MTTP: variants seen among roughly 807,000 people sequenced by gnomAD.
The protein encoded by MTTP is microsomal triglyceride transfer protein large subunit.
In MTTP, 49 loss-of-function variants were observed where a neutral mutation model predicts 90.6. The observed-to-expected ratio is 0.54, with a 90% CI of 0.43 to 0.69. MTTP has a LOEUF of 0.69. MTTP is among the 30% of genes least tolerant of loss of function. The pLI is 0.00. For synonymous variants in MTTP, 347 were observed against 384.2 expected, an observed-to-expected ratio of 0.90 and a Z score of 1.13; for missense variants, 945 against 1,067.5, an observed-to-expected ratio of 0.89 and a Z score of 1.60.
chr4:99,600,533 ATT>A, intron 8 of MTTP, 30 bp from the exon 9 acceptor site: 1 of 1,603,038 alleles, frequency 6.2e-7, no homozygotes. Flanking sequence ...TCCCCTAAAC[ATT>A]GATATCCATG....
rs1725433964 is a variant in MTTP, at chr4:99,591,929, T to C, written c.758+139T>C. 4 of 813,858 alleles carry C rather than the reference T, an allele frequency of 4.9e-6. No individual in the cohort carries two copies. The Admixed American group carries it at 7.2e-5, about 15-fold the overall frequency. 50.4% of individuals were successfully genotyped at this position (813,858 alleles called of 1,614,324 possible). A position where few individuals can be genotyped will look rare whatever the true frequency, so the allele number is the denominator to read the frequency against. Reference sequence around the variant, plus strand: ...ATTGCTTAACAATGGGAATAAGTTCTGAGAAAAGCATTGTTAGGCAATTTC... The same window carrying C: ...ATTGCTTAACAATGGGAATAAGTTCCGAGAAAAGCATTGTTAGGCAATTTC... On this transcript the variant is annotated intron_variant, in intron 6 of 17. Coordinates refer to ENST00000265517, the MANE Select transcript of MTTP (RefSeq NM_001386140.1).
In MTTP at chr4:99,601,663, C is replaced by T; in HGVS notation, c.1293C>T (p.Ile431=). ...ACATCAGAGAAACTGTTATGATCAT[C>T]ACTGGGACACTTGTCAGAAAGTTGT... ...SSDIRETVMI[I]TGTLVRKLCQ... Residue 431 remains isoleucine, a synonymous_variant, in exon 10 of 18, where the codon ATC becomes ATT. Transcript: ENST00000265517. 6.2e-7 allele frequency: 1 copy of T among 1,613,054 alleles called. No homozygotes were observed. The highest frequency in any genetic ancestry group is 1.1e-5 in the South Asian group (1 of 91,064).
At chr4:99,570,425 T>G (rs1442026100), upstream of MTTP, among the ~76,000 whole-genome samples, 2 of 151,996 alleles carry the variant, frequency 1.3e-5, no homozygotes, top group Non-Finnish European at 2.9e-5. Context: ...TCTATCTAGT[T>G]CCTTTAAATA....
intron 7 of MTTP, among the ~76,000 whole-genome samples, chr4:99,596,074 T>C (rs958526102): frequency 1.3e-5 from 2 of 152,180 alleles, no homozygotes; most frequent in African/African-American, 4.8e-5. Flanking sequence ...TGAATTCATA[T>C]TGATATGCTC....
intron 3 of MTTP, 54 bp from the exon 4 acceptor site, chr4:99,589,589 T>C (rs1486735888): frequency 7.9e-6 from 8 of 1,009,256 alleles, no homozygotes; most frequent in African/African-American, 4.8e-5. Flanking sequence ...TATTTAAATC[T>C]GATAAATGAT....
intron 7 of MTTP, among the ~76,000 whole-genome samples, chr4:99,596,668 G>A (rs866739199): frequency 5.3e-5 from 8 of 152,172 alleles, no homozygotes; most frequent in African/African-American, 1.9e-4. Flanking sequence ...TTCTTCAGCA[G>A]TTCTCATTAT....
intron 1 of MTTP, among the ~76,000 whole-genome samples, chr4:99,569,321 C>A (rs1344918858): frequency 1.3e-5 from 2 of 151,874 alleles, no homozygotes; most frequent in Non-Finnish European, 2.9e-5. Context: ...CCAAGAGGAG[C>A]CTAAAGATAC....
In MTTP at chr4:99,611,313, A is replaced by T; in HGVS notation, c.1868-19A>T. 6.2e-7 allele frequency: 1 copy of T among 1,613,968 alleles called. No homozygotes were observed. Among genetic ancestry groups the T allele is most frequent in the Non-Finnish European group, 8.5e-7 (1 of 1,179,946 alleles). On this transcript the variant is annotated intron_variant, in intron 13 of 17. Coordinates refer to ENST00000265517, the MANE Select transcript of MTTP (RefSeq NM_001386140.1). The stretch of plus-strand genomic sequence containing the variant: ...ATTGCTGGAACTGCTATTAAATTAC[A>T]GTTATTGTGTGTCATCAGGTAGTCC...
At chr4:99,585,664 A>G (rs1001306813) in intron 3 of MTTP, among the ~76,000 whole-genome samples, 5 of 152,112 alleles carry the variant, frequency 3.3e-5, no homozygotes, top group Non-Finnish European at 4.4e-5. Flanking sequence ...GTAGCAGCTG[A>G]GTACAAAGTC....
At position 99,583,471 on chromosome 4, in the gene MTTP, T is replaced by C. The variant is rs750389277; in HGVS notation, c.347T>C (p.Leu116Ser). ...TCTAAAATAATGGGAAAGGAAAACT[T>C]GGAAGCTCTGCAAAGACCTACGCTC... The part of the protein sequence containing the change: ...SPSKIMGKEN[L>S]EALQRPTLLH... The change falls in exon 3 of 18, where the codon TTG becomes TCG. Residue 116 changes from leucine (L) to serine (S), a missense_variant. Leu to Ser is a moderately radical substitution (Grantham distance 145). Coordinates refer to ENST00000265517, the MANE Select transcript of MTTP (RefSeq NM_001386140.1). The C allele has an allele frequency of 6.2e-7, 1 of 1,613,662 alleles. No homozygotes were observed. The highest frequency in any genetic ancestry group is 1.1e-5 in the South Asian group (1 of 91,064).
At chr4:99,584,412 G>A (rs900373507) in intron 3 of MTTP, among the ~76,000 whole-genome samples, 1 of 151,976 alleles carries the variant, frequency 6.6e-6, no homozygotes, top group Non-Finnish European at 1.5e-5. Context: ...TACTGATAAA[G>A]TAATACTTTA....
At chr4:99,619,235 T>G (rs1235456047) in intron 16 of MTTP, 137 bp downstream of exon 16, 3 of 860,240 alleles carry the variant, frequency 3.5e-6, no homozygotes, top group Non-Finnish European at 5.6e-6. Flanking sequence ...AACGATAGAG[T>G]TGGAAGTGAT....
intron 5 of MTTP, 55 bp from the exon 6 acceptor site, chr4:99,591,596 T>C (rs1005552509): frequency 1.9e-6 from 3 of 1,568,470 alleles, no homozygotes; most frequent in Non-Finnish European, 2.6e-6. Flanking sequence ...TTTGACTTGA[T>C]TCAATAATTT....
chr4:99,607,164 A>G (rs947391497), intron 11 of MTTP, among the ~76,000 whole-genome samples: 1 of 152,252 alleles, frequency 6.6e-6, no homozygotes, highest in African/African-American at 2.4e-5. Flanking sequence ...ATCCTGAAGC[A>G]TAAATATTGA....
chr4:99,623,595 G>A lies in MTTP; in HGVS notation c.*747G>A, dbSNP rs1219982420. The A allele has an allele frequency of 2.6e-5, 4 of 152,306 alleles. No individual in the cohort carries two copies. The highest frequency in any genetic ancestry group is 5.9e-5 in the Non-Finnish European group (4 of 68,168). 9.4% of individuals were successfully genotyped at this position (152,306 alleles called of 1,614,324 possible). A position where few individuals can be genotyped will look rare whatever the true frequency, so the allele number is the denominator to read the frequency against. ...AAAATTAATTTCAGAAACTCCATTT[G>A]ATTTTTCTTTTGCTGTGTCTTTTTG... On this transcript the variant is annotated 3_prime_UTR_variant, in exon 18 of 18. Transcript: ENST00000265517.
In MTTP at chr4:99,623,108, C is replaced by G. The variant is rs1361786041; in HGVS notation, c.*260C>G. ...TACCTCTCTCAAATCTCATTTGGTA[C>G]AGTCAGAATAGTTATTCTCTAAGAG... On this transcript the variant is annotated 3_prime_UTR_variant, in exon 18 of 18. Coordinates refer to ENST00000265517, the MANE Select transcript of MTTP (RefSeq NM_001386140.1). 2 of 498,384 alleles carry G rather than the reference C, an allele frequency of 4.0e-6. No individual in the cohort carries two copies. The highest frequency in any genetic ancestry group is 3.8e-5 in the East Asian group (1 of 26,576). 30.9% of individuals were successfully genotyped at this position (498,384 alleles called of 1,614,324 possible).
chr4:99,585,843 A>T (rs1032502942), intron 3 of MTTP, among the ~76,000 whole-genome samples: 5 of 152,140 alleles, frequency 3.3e-5, no homozygotes, highest in Non-Finnish European at 5.9e-5. Context: ...TTTCAAGTAT[A>T]TAATAAAATA....
chr4:99,608,444 C>CA (rs909676223), intron 11 of MTTP, among the ~76,000 whole-genome samples: 77 of 147,938 alleles, frequency 5.2e-4, no homozygotes, highest in South Asian at 4.1e-3. Flanking sequence ...GACTCTGCCT[C>CA]AAAAAAAAAA....
intron 15 of MTTP, 86 bp downstream of exon 15, chr4:99,613,226 A>G: frequency 1.6e-6 from 2 of 1,255,498 alleles, no homozygotes; most frequent in South Asian, 1.3e-5. Context: ...GGAGGATACA[A>G]GACAAAATTG....
Sources: allele counts gnomAD v4.1 joint callset (sites outside exome capture counted in the v4.1 genomes callset), GRCh38; gene constraint gnomAD v4.1.1; transcripts MANE v1.5; gene names NCBI Gene and HGNC (gene_info 2026-07-23, HGNC 2026-07-21).